The following NOL10 variants were observed in gnomAD, a reference collection of about 807,000 sequenced individuals.
NOL10 encodes H_NH0074G24.1.
In NOL10, 58 loss-of-function variants were observed where a neutral mutation model predicts 103.5. That is an observed-to-expected ratio of 0.56 (90% CI 0.45 to 0.70). The LOEUF is 0.70. Among genes scored for constraint, NOL10 ranks in the 30% least tolerant of loss-of-function variants. The pLI, the probability that NOL10 is intolerant of heterozygous loss-of-function variation, is 0.00. For missense variants in NOL10, 763 were observed against 807.3 expected (o/e 0.95, Z 0.67); for synonymous variants, 287 against 282.5 (o/e 1.02, Z -0.16).
intron 13 of NOL10, among the ~76,000 whole-genome samples, chr2:10,613,418 G>T (rs975167846): frequency 6.6e-6 from 1 of 152,160 alleles, no homozygotes; most frequent in African/African-American, 2.4e-5. Flanking sequence ...TGCCAAAACA[G>T]AAATTTTTAA....
rs181265506 is a variant in NOL10, at chr2:10,587,514, C to G, written c.1844+1529G>C. ...TCCATCTCCTGACCTCATGATCTGC[C>G]CCCCCCTTGGCCTCCCAAAGTGCTA... On this transcript the variant is annotated intron_variant, in intron 19 of 20. Transcript: ENST00000381685. Among the ~76,000 whole-genome samples, 218 of 68,738 alleles carry G rather than the reference C, an allele frequency of 3.2e-3. 1 individual carries two copies. The highest frequency in any genetic ancestry group is 6.4e-3 in the Non-Finnish European group (158 of 24,510). 45.1% of individuals were successfully genotyped at this position (68,738 alleles called of 152,430 possible).
At chr2:10,647,845 G>C (rs1303319757) in intron 12 of NOL10, among the ~76,000 whole-genome samples, 1 of 152,224 alleles carries the variant, frequency 6.6e-6, no homozygotes, top group Non-Finnish European at 1.5e-5. Flanking sequence ...CAACAGCCCT[G>C]TAAGGCAGGT....
rs185861884 is a variant in NOL10, at chr2:10,641,018, T to C, written c.1026+3302A>G. Among the ~76,000 whole-genome samples, 248 of 150,686 alleles carry C rather than the reference T, an allele frequency of 1.6e-3. 2 individuals carry two copies. The highest frequency in any genetic ancestry group is 5.9e-3 in the African/African-American group (240 of 40,912). On this transcript the variant is annotated intron_variant, in intron 13 of 20. Transcript: ENST00000381685. ...GGCCAATATGGTGAAACCCCATCTC[T>C]ACTAAAAACACAAAAATTAGGGCCA...
At chr2:10,573,202 T>TC (rs898180111) in intron 20 of NOL10, among the ~76,000 whole-genome samples, 10 of 152,150 alleles carry the variant, frequency 6.6e-5, no homozygotes, top group African/African-American at 2.4e-4. Flanking sequence ...ATCTGTATTT[T>TC]CTTTTTTTTT....
intron 13 of NOL10, among the ~76,000 whole-genome samples, chr2:10,638,030 C>T (rs901930078): frequency 6.6e-6 from 1 of 151,902 alleles, no homozygotes; most frequent in Non-Finnish European, 1.5e-5. Context: ...ACCTGTAATC[C>T]CAACACTTTG....
intron 20 of NOL10, among the ~76,000 whole-genome samples, chr2:10,573,717 G>A (rs761376731): frequency 6.7e-6 from 1 of 149,856 alleles, no homozygotes; most frequent in Non-Finnish European, 1.5e-5. Flanking sequence ...CCGGGTTTCT[G>A]CATAATTCTT....
At chr2:10,682,402 T>TC (rs1369026769) in intron 2 of NOL10, among the ~76,000 whole-genome samples, 5 of 148,802 alleles carry the variant, frequency 3.4e-5, no homozygotes, top group African/African-American at 1.2e-4. Flanking sequence ...TAAACCACTT[T>TC]TTTTTTTTTT....
intron 17 of NOL10, among the ~76,000 whole-genome samples, chr2:10,594,037 C>T (rs1488711596): frequency 6.6e-6 from 1 of 152,214 alleles, no homozygotes; most frequent in African/African-American, 2.4e-5. Flanking sequence ...TTATTCCTCA[C>T]TGCCAAAAAA....
chr2:10,581,277 T>C (rs533288437), intron 19 of NOL10, among the ~76,000 whole-genome samples: 1 of 152,180 alleles, frequency 6.6e-6, no homozygotes, highest in African/African-American at 2.4e-5. Flanking sequence ...CAGTCTCTTA[T>C]CGCATACCCC....
At chr2:10,603,189 C>T (rs1220090116) in intron 14 of NOL10, 32 bp from the exon 15 acceptor site, 2 of 1,481,924 alleles carry the variant, frequency 1.3e-6, no homozygotes. Context: ...ACAGCAGGTC[C>T]TTATGCAATC....
intron 7 of NOL10, among the ~76,000 whole-genome samples, 171 bp downstream of exon 7, chr2:10,668,487 C>T (rs1026519277): frequency 2.6e-5 from 4 of 152,124 alleles, no homozygotes; most frequent in African/African-American, 9.7e-5. Context: ...AAAGTAATCA[C>T]CAGATCTTTC....
In NOL10 at chr2:10,671,830, C is replaced by G. The variant is rs139036379; in HGVS notation, c.328-140G>C. On this transcript the variant is annotated intron_variant, in intron 5 of 20. Transcript: ENST00000381685. ...ATCTAAACACACATGTCCATGCACACACACTCCACTGGGATTAAGAATGAA... is the reference window on the plus strand; with the variant it reads ...ATCTAAACACACATGTCCATGCACAGACACTCCACTGGGATTAAGAATGAA... 2.8e-4 allele frequency: 169 copies of G among 598,892 alleles called. No individual in the cohort carries two copies. In the East Asian group the frequency reaches 4.7e-3, roughly 17 times the overall value. The allele number at this position is 598,892 out of a possible 1,614,324, so 37.1% of individuals were successfully genotyped here.
chr2:10,649,482 A>G (rs529483789), intron 12 of NOL10, among the ~76,000 whole-genome samples: 53 of 151,916 alleles, frequency 3.5e-4, no homozygotes, highest in South Asian at 1.5e-3. Context: ...CACCACGCTC[A>G]GCTAAGTTTG....
chr2:10,648,063 C>G (rs960150209), intron 12 of NOL10, among the ~76,000 whole-genome samples: 3 of 152,182 alleles, frequency 2.0e-5, no homozygotes, highest in Non-Finnish European at 4.4e-5. Context: ...TAGAGCCGTG[C>G]TGTCTCTTCA....
chr2:10,623,462 T>C (rs1677264795), intron 13 of NOL10, among the ~76,000 whole-genome samples: 2 of 152,192 alleles, frequency 1.3e-5, no homozygotes, highest in Admixed American at 6.5e-5. Context: ...GAAATTTGAA[T>C]GAAACATTAC....
At chr2:10,620,101 T>C (rs571381950) in intron 13 of NOL10, among the ~76,000 whole-genome samples, 1 of 152,356 alleles carries the variant, frequency 6.6e-6, no homozygotes, top group Non-Finnish European at 1.5e-5. Context: ...CCCAAGATCT[T>C]GTTTTGTCAT....
Position 10,589,229 on chromosome 2 carries a change from T to A in NOL10, c.1658A>T (p.Asp553Val), listed in dbSNP as rs753251053. 4 of 1,613,868 alleles carry A rather than the reference T, an allele frequency of 2.5e-6. No individual in the cohort carries two copies. In the African/African-American group the frequency reaches 5.3e-5, roughly 22 times the overall value. ...GACCTCTTCAACCCAGGCTTTTTCA[T>A]CATCTGAACTCTCCGAACTTTCTGC... ...SDAESSESSD[D>V]EKAWVEEVRK... Residue 553 changes from aspartate to valine, a missense_variant, in exon 19 of 21, where the codon GAT becomes GTT. Asp to Val is a radical substitution (Grantham distance 152, BLOSUM62 -3). Coordinates refer to ENST00000381685, the MANE Select transcript of NOL10 (RefSeq NM_024894.4).
chr2:10,595,144 CAGAGAGAGAGAG>C lies in NOL10; in HGVS notation c.1423-5405_1423-5394del, dbSNP rs77723934. Among the ~76,000 whole-genome samples the C allele has an allele frequency of 5.8e-3, 722 of 124,220 alleles. 10 individuals are homozygous for C. Among genetic ancestry groups the C allele is most frequent in the African/African-American group, 0.018 (580 of 32,136 alleles). The allele number at this position is 124,220 out of a possible 152,430, so 81.5% of individuals were successfully genotyped here. A position where few individuals can be genotyped will look rare whatever the true frequency, so the allele number is the denominator to read the frequency against. On this transcript the variant is annotated intron_variant, in intron 17 of 20. Coordinates refer to ENST00000381685, the MANE Select transcript of NOL10 (RefSeq NM_024894.4). ...GCAAGAGGGAGGGAGGGGGAGGGGGCAGAGAGAGAGAGAGAGAGAGAGAGAGAGAGAGAGATT... is the reference window on the plus strand; with the variant it reads ...GCAAGAGGGAGGGAGGGGGAGGGGGCAGAGAGAGAGAGAGAGAGAGAGATT...
chr2:10,581,281 A>G (rs1309893162), intron 19 of NOL10, among the ~76,000 whole-genome samples: 1 of 152,106 alleles, frequency 6.6e-6, no homozygotes, highest in African/African-American at 2.4e-5. Context: ...CTCTTATCGC[A>G]TACCCCCGCT....
Sources: gnomAD v4.1 joint callset for allele counts (sites outside exome capture counted in the v4.1 genomes callset) on GRCh38, gnomAD v4.1.1 for gene constraint, MANE v1.5 for transcripts, NCBI Gene and HGNC (gene_info 2026-07-23, HGNC 2026-07-21) for gene names.